The following TCEANC2 variants were observed in gnomAD, a reference collection of about 807,000 sequenced individuals.
TCEANC2 encodes transcription elongation factor A N-terminal and central domain containing 2, also known as transcription elongation factor A N-terminal and central domain-containing protein 2.
A neutral mutation model predicts 22.8 loss-of-function variants in TCEANC2; 20 were observed. That is an observed-to-expected ratio of 0.88 (90% confidence interval 0.62 to 1.28). The LOEUF is 1.28. Among genes scored for constraint, TCEANC2 ranks in the 50% most tolerant of loss-of-function variants. The pLI, the probability that TCEANC2 is intolerant of heterozygous loss-of-function variation, is 0.00. For missense variants in TCEANC2, 251 were observed against 249.7 expected, an observed-to-expected ratio of 1.01 and a Z score of -0.03; for synonymous variants, 84 against 95.5, an observed-to-expected ratio of 0.88 and a Z score of 0.70.
intron 3 of TCEANC2, among the ~76,000 whole-genome samples, chr1:54,071,620 C>T (rs1658056628): frequency 1.3e-5 from 2 of 152,142 alleles, no homozygotes; most frequent in Admixed American, 6.5e-5. Flanking sequence ...TGCTATTGGT[C>T]ACACAGACCA....
At chr1:54,093,220 A>G (rs1658481211) in intron 4 of TCEANC2, among the ~76,000 whole-genome samples, 2 of 152,130 alleles carry the variant, frequency 1.3e-5, no homozygotes, top group Admixed American at 6.5e-5. Flanking sequence ...CATTCATACA[A>G]ATTATCTCAT....
At chr1:54,077,102 C>T (rs1201397625) in intron 3 of TCEANC2, among the ~76,000 whole-genome samples, 1 of 152,028 alleles carries the variant, frequency 6.6e-6, no homozygotes. Context: ...TGAAATAGCT[C>T]CTTAGAGAAA....
At position 54,061,669 on chromosome 1, in the gene TCEANC2, C is replaced by A. The variant is rs187599912; in HGVS notation, c.103-7087C>A. On this transcript the variant is annotated intron_variant, in intron 2 of 4. Coordinates refer to ENST00000234827, the MANE Select transcript of TCEANC2 (RefSeq NM_153035.3). The stretch of plus-strand genomic sequence containing the variant: ...AGAGATTAAGTAGCTTGCTTGAAGT[C>A]ATGTAGCCATTAGTGGCAAAGTTGG... Among the ~76,000 whole-genome samples, 31 of 151,968 alleles carry A rather than the reference C, an allele frequency of 2.0e-4. 1 individual carries two copies. In the Middle Eastern group the frequency reaches 0.017, roughly 84 times the overall value.
intron 2 of TCEANC2, among the ~76,000 whole-genome samples, chr1:54,060,800 T>G (rs1657838650): frequency 2.0e-5 from 3 of 151,088 alleles, no homozygotes; most frequent in Admixed American, 2.0e-4. Flanking sequence ...ATTAGCCGGG[T>G]GTGGTGGTGG....
rs1400452121 is a variant in TCEANC2, at chr1:54,097,173, T to C, written c.*700T>C. 1 of 164,290 alleles carries C rather than the reference T, an allele frequency of 6.1e-6. No individual in the cohort carries two copies. Among genetic ancestry groups the C allele is most frequent in the African/African-American group, 2.4e-5 (1 of 41,640 alleles). 10.2% of individuals were successfully genotyped at this position (164,290 alleles called of 1,614,324 possible). On this transcript the variant is annotated 3_prime_UTR_variant, in exon 5 of 5. Transcript: ENST00000234827. The stretch of plus-strand genomic sequence containing the variant: ...TCTGTAGAAGATACATAATGAAATT[T>C]CTCTTGAAATGAATTACTGCAGTAG...
rs1658569907 is a variant in TCEANC2, at chr1:54,096,937, C to A, written c.*464C>A. The A allele has an allele frequency of 1.2e-5, 12 of 986,710 alleles. No homozygotes were observed. Among genetic ancestry groups the A allele is most frequent in the Non-Finnish European group, 1.4e-5 (12 of 830,668 alleles). 61.1% of individuals were successfully genotyped at this position (986,710 alleles called of 1,614,324 possible). A position where few individuals can be genotyped will look rare whatever the true frequency, so the allele number is the denominator to read the frequency against. Reference sequence around the variant, plus strand: ...GCCTCTCAGAACTCCCCTGTCTGTTCTCTTTGCTCTATCCCAGGGGTGAGC... The same window carrying A: ...GCCTCTCAGAACTCCCCTGTCTGTTATCTTTGCTCTATCCCAGGGGTGAGC... On this transcript the variant is annotated 3_prime_UTR_variant, in exon 5 of 5. Transcript: ENST00000234827. This position sits in a 1 kb window ranked among gnomAD's most constrained non-coding sequence, Gnocchi z 4.9.
chr1:54,111,423 A>G (rs902448361), exon 5 of TCEANC2: 2 of 152,264 alleles, frequency 1.3e-5, no homozygotes, highest in Non-Finnish European at 2.9e-5. Context: ...TCCTGGGCCA[A>G]ACTTCTGCTG....
At chr1:54,083,688 T>C (rs1170461551) in intron 3 of TCEANC2, among the ~76,000 whole-genome samples, 1 of 152,190 alleles carries the variant, frequency 6.6e-6, no homozygotes, top group Non-Finnish European at 1.5e-5. Flanking sequence ...GAAAGAAACC[T>C]GAATATTGCC....
intron 4 of TCEANC2, among the ~76,000 whole-genome samples, chr1:54,094,352 G>A (rs960673457): frequency 3.3e-5 from 5 of 151,974 alleles, no homozygotes; most frequent in Non-Finnish European, 7.4e-5. Context: ...TTTTATTTGG[G>A]GTGTGTTTTT....
chr1:54,071,257 T>C (rs1658051008), intron 3 of TCEANC2, among the ~76,000 whole-genome samples: 1 of 152,234 alleles, frequency 6.6e-6, no homozygotes, highest in African/African-American at 2.4e-5. Flanking sequence ...AGACAATATT[T>C]ATTTTTTCAC....
At chr1:54,106,402 A>G (rs1658754600), downstream of TCEANC2, among the ~76,000 whole-genome samples, 1 of 152,236 alleles carries the variant, frequency 6.6e-6, no homozygotes, top group East Asian at 1.9e-4. Context: ...ATAAAAGGAA[A>G]CAAATTAATT....
Position 54,057,687 on chromosome 1 carries a change from T to C in TCEANC2, c.102+3163T>C, listed in dbSNP as rs186998612. The stretch of plus-strand genomic sequence containing the variant: ...AATATGTCTCAAATAGAAAAGAAAA[T>C]CTACTCAGGTCACTTTCCTGCCTAA... On this transcript the variant is annotated intron_variant, in intron 2 of 4. Transcript: ENST00000234827. Among the ~76,000 whole-genome samples the C allele has an allele frequency of 9.2e-5, 14 of 152,100 alleles. No individual in the cohort carries two copies. In the South Asian group the frequency reaches 2.9e-3, roughly 32 times the overall value.
At chr1:54,090,841 A>G (rs935773096) in intron 4 of TCEANC2, among the ~76,000 whole-genome samples, 5 of 152,316 alleles carry the variant, frequency 3.3e-5, no homozygotes, top group South Asian at 2.1e-4. Context: ...GTAAATACCA[A>G]TTTCCTGTGG....
intron 3 of TCEANC2, among the ~76,000 whole-genome samples, chr1:54,069,503 G>T (rs1658017601): frequency 6.6e-6 from 1 of 151,902 alleles, no homozygotes; most frequent in Admixed American, 6.6e-5. Context: ...AGCTACTAAG[G>T]AGGCTGAGGC....
At chr1:54,071,750 A>G (rs910700397) in intron 3 of TCEANC2, among the ~76,000 whole-genome samples, 1 of 152,130 alleles carries the variant, frequency 6.6e-6, no homozygotes, top group Non-Finnish European at 1.5e-5. Flanking sequence ...TCTTAGATAC[A>G]TTATACTTCC....
chr1:54,059,058 G>A (rs1657803814), intron 2 of TCEANC2, among the ~76,000 whole-genome samples: 1 of 151,934 alleles, frequency 6.6e-6, no homozygotes, highest in Admixed American at 6.6e-5. Context: ...TCTTTTTACA[G>A]AGTCAATTTC....
chr1:54,058,147 G>A (rs1269174945), intron 2 of TCEANC2, among the ~76,000 whole-genome samples: 2 of 152,132 alleles, frequency 1.3e-5, no homozygotes, highest in Admixed American at 1.3e-4. Context: ...TATGTAAAGT[G>A]TTTGGTACAG....
chr1:54,092,287 C>T (rs1187943753), intron 4 of TCEANC2, among the ~76,000 whole-genome samples: 2 of 152,040 alleles, frequency 1.3e-5, no homozygotes, highest in African/African-American at 2.4e-5. Flanking sequence ...AACCTATAAA[C>T]GATTAATTAA....
chr1:54,072,279 G>A (rs779841809), intron 3 of TCEANC2, among the ~76,000 whole-genome samples: 7 of 151,938 alleles, frequency 4.6e-5, no homozygotes, highest in Non-Finnish European at 7.4e-5. Flanking sequence ...CTTCAGATAC[G>A]TATCTTCCAA....
Sources: allele counts gnomAD v4.1 joint callset (sites outside exome capture counted in the v4.1 genomes callset), GRCh38; gene constraint gnomAD v4.1.1; non-coding constraint Gnocchi (gnomAD v3.1); transcripts MANE v1.5; gene names NCBI Gene and HGNC (gene_info 2026-07-23, HGNC 2026-07-21).